EPHX4: variants seen among roughly 807,000 people sequenced by gnomAD.
The protein encoded by EPHX4 is abhydrolase domain containing 7.
In EPHX4, 31 loss-of-function variants were observed where a neutral mutation model predicts 44.9. The observed-to-expected ratio is 0.69, with a 90% CI of 0.52 to 0.93. EPHX4 has a LOEUF of 0.93. Ranked by LOEUF, EPHX4 falls within the 40% of genes least tolerant of loss-of-function variation. EPHX4 has a pLI of 0.00. For synonymous variants in EPHX4, 151 were observed against 159.7 expected, an observed-to-expected ratio of 0.95 and a Z score of 0.41; for missense variants, 373 against 438.1, an observed-to-expected ratio of 0.85 and a Z score of 1.33.
chr1:92,036,851 C>A (rs1688445261), intron 2 of EPHX4, among the ~76,000 whole-genome samples: 1 of 152,072 alleles, frequency 6.6e-6, no homozygotes, highest in African/African-American at 2.4e-5. Flanking sequence ...ATACTCTAAA[C>A]CAAGACCCCT....
chr1:92,038,824 T>A (rs901767024), intron 2 of EPHX4, among the ~76,000 whole-genome samples: 5 of 152,228 alleles, frequency 3.3e-5, no homozygotes, highest in Non-Finnish European at 7.3e-5. Context: ...TTTGTTCACC[T>A]ATTTCAACCT....
At chr1:92,035,485 ATAC>A (rs1219381881) in intron 2 of EPHX4, among the ~76,000 whole-genome samples, 1 of 152,190 alleles carries the variant, frequency 6.6e-6, no homozygotes, top group Non-Finnish European at 1.5e-5. Flanking sequence ...TATTCAGTAA[ATAC>A]TCATTTTCTT....
intron 4 of EPHX4, among the ~76,000 whole-genome samples, chr1:92,049,080 T>A (rs932341632): frequency 7.9e-5 from 12 of 151,956 alleles, no homozygotes; most frequent in African/African-American, 2.9e-4. Flanking sequence ...AACTTTAGTG[T>A]CTTCCCAAAG....
intron 3 of EPHX4, among the ~76,000 whole-genome samples, chr1:92,044,434 G>A (rs1688554791): frequency 6.6e-6 from 1 of 152,176 alleles, no homozygotes; most frequent in South Asian, 2.1e-4. Flanking sequence ...TAGTATAGTA[G>A]TGAGGAGTGA....
chr1:92,041,222 C>A (rs953146112), intron 2 of EPHX4, among the ~76,000 whole-genome samples: 1 of 152,110 alleles, frequency 6.6e-6, no homozygotes, highest in African/African-American at 2.4e-5. Context: ...TTGGTCAGTG[C>A]TGGTGCCATT....
intron 2 of EPHX4, among the ~76,000 whole-genome samples, chr1:92,035,273 G>C (rs983816804): frequency 3.3e-5 from 5 of 152,156 alleles, no homozygotes; most frequent in African/African-American, 1.2e-4. Flanking sequence ...TCACCTTATG[G>C]AGTGCGTGGC....
chr1:92,054,066 T>C (rs1424669310), intron 6 of EPHX4, among the ~76,000 whole-genome samples: 1 of 152,168 alleles, frequency 6.6e-6, no homozygotes, highest in African/African-American at 2.4e-5. Flanking sequence ...CCATTTCTCT[T>C]AAGAATTAGG....
chr1:92,031,065 A>G (rs1173613256), intron 1 of EPHX4, among the ~76,000 whole-genome samples: 3 of 152,172 alleles, frequency 2.0e-5, no homozygotes, highest in South Asian at 4.1e-4. Context: ...ACCCAGCCTC[A>G]TAAGAGGGGA....
At chr1:92,062,982 A>T in intron 6 of EPHX4, 73 bp from the exon 7 acceptor site, 1 of 1,300,684 alleles carries the variant, frequency 7.7e-7, no homozygotes, top group Non-Finnish European at 1.1e-6. Flanking sequence ...TGTATGACCT[A>T]CTGGGGCACT....
chr1:92,034,993 T>C (rs1688415876), intron 2 of EPHX4, among the ~76,000 whole-genome samples: 1 of 152,158 alleles, frequency 6.6e-6, no homozygotes, highest in South Asian at 2.1e-4. Flanking sequence ...AATAAATGTA[T>C]TGAGGATGTT....
rs1243494853 is a variant in EPHX4, at chr1:92,055,604, T to G, written c.857+2946T>G. Among the ~76,000 whole-genome samples, 3 of 152,136 alleles carry G rather than the reference T, an allele frequency of 2.0e-5. No individual in the cohort carries two copies. The East Asian group carries it at 5.8e-4, about 29-fold the overall frequency. On this transcript the variant is annotated intron_variant, in intron 6 of 6. Coordinates refer to ENST00000370383, the MANE Select transcript of EPHX4 (RefSeq NM_173567.5). ...GATTGCAGAGGCTACAGGTTATATTTTATAGGATATAGCAACAATGTCTGA... is the reference window on the plus strand; with the variant it reads ...GATTGCAGAGGCTACAGGTTATATTGTATAGGATATAGCAACAATGTCTGA...
intron 6 of EPHX4, among the ~76,000 whole-genome samples, chr1:92,060,432 AC>A (rs969933944): frequency 1.3e-5 from 2 of 149,224 alleles, no homozygotes; most frequent in African/African-American, 5.0e-5. Flanking sequence ...ATACGTCAAG[AC>A]CCTGTCTCAA....
At chr1:92,046,168 T>C (rs1205465099) in intron 4 of EPHX4, among the ~76,000 whole-genome samples, 1 of 152,220 alleles carries the variant, frequency 6.6e-6, no homozygotes, top group Non-Finnish European at 1.5e-5. Flanking sequence ...ATTTATATGT[T>C]AATTCATCAA....
At position 92,034,394 on chromosome 1, in the gene EPHX4, T is replaced by C. The variant is rs187675220; in HGVS notation, c.317+1804T>C. The stretch of plus-strand genomic sequence containing the variant: ...GGGCTATAAGAAATAGTTCATAAAC[T>C]AAATAGGTCAAGAAATTGATGTTTT... On this transcript the variant is annotated intron_variant, in intron 2 of 6. Coordinates refer to ENST00000370383, the MANE Select transcript of EPHX4 (RefSeq NM_173567.5). Among the ~76,000 whole-genome samples the C allele has an allele frequency of 1.5e-4, 22 of 150,920 alleles. 1 individual carries two copies. The East Asian group carries it at 4.3e-3, about 29-fold the overall frequency.
chr1:92,037,463 G>A (rs572281882), intron 2 of EPHX4, among the ~76,000 whole-genome samples: 3 of 152,176 alleles, frequency 2.0e-5, no homozygotes, highest in Non-Finnish European at 4.4e-5. Flanking sequence ...AAGGCTGTTT[G>A]TCAAAGGATG....
At chr1:92,050,535 A>T (rs1363178269) in intron 5 of EPHX4, 115 bp downstream of exon 5, 1 of 635,586 alleles carries the variant, frequency 1.6e-6, no homozygotes, top group African/African-American at 1.9e-5. Context: ...TATAACTTAA[A>T]TGGTTTTAAG....
intron 4 of EPHX4, among the ~76,000 whole-genome samples, chr1:92,047,623 C>T (rs746198953): frequency 2.0e-5 from 3 of 152,130 alleles, no homozygotes; most frequent in Admixed American, 6.5e-5. Flanking sequence ...GAATCCAGCA[C>T]TTAATTAAAT....
intron 5 of EPHX4, among the ~76,000 whole-genome samples, chr1:92,051,633 A>T (rs147452034): frequency 6.6e-6 from 1 of 152,132 alleles, no homozygotes; most frequent in Non-Finnish European, 1.5e-5. Flanking sequence ...TTTGAAAAGG[A>T]TACTTAATAG....
intron 2 of EPHX4, among the ~76,000 whole-genome samples, chr1:92,041,461 C>T (rs1688507865): frequency 6.6e-6 from 1 of 152,096 alleles, no homozygotes; most frequent in Admixed American, 6.6e-5. Flanking sequence ...AGGTGAGTAA[C>T]ATCTACTTGT....
Sources: allele counts gnomAD v4.1 joint callset (sites outside exome capture counted in the v4.1 genomes callset), GRCh38; gene constraint gnomAD v4.1.1; transcripts MANE v1.5; gene names NCBI Gene and HGNC (gene_info 2026-07-23, HGNC 2026-07-21).